ANKRD36C: variants seen among roughly 807,000 people sequenced by gnomAD.
The protein encoded by ANKRD36C is ankyrin repeat domain-containing protein 36C.
A neutral mutation model predicts 276.4 loss-of-function variants in ANKRD36C; 61 were observed. That is an observed-to-expected ratio of 0.22 (90% confidence interval 0.18 to 0.27). ANKRD36C has a LOEUF of 0.27. Ranked by LOEUF, ANKRD36C falls within the 10% of genes least tolerant of loss-of-function variation. ANKRD36C has a pLI of 1.00. For synonymous variants in ANKRD36C, 483 were observed against 680.1 expected, an observed-to-expected ratio of 0.71 and a Z score of 4.51; for missense variants, 1,447 against 2,032.3, an observed-to-expected ratio of 0.71 and a Z score of 5.54.
intron 59 of ANKRD36C, among the ~76,000 whole-genome samples, chr2:95,874,111 A>T (rs1351125161): frequency 6.6e-6 from 1 of 152,074 alleles, no homozygotes; most frequent in Non-Finnish European, 1.5e-5. Flanking sequence ...GCCCAAGGTA[A>T]TTTATAGATT....
chr2:95,865,858 C>T (rs1314448422), intron 60 of ANKRD36C, among the ~76,000 whole-genome samples: 1 of 152,046 alleles, frequency 6.6e-6, no homozygotes, highest in African/African-American at 2.4e-5. Context: ...GGTGGTTTGA[C>T]TTACTGACTT....
At chr2:95,925,718 A>G (rs1677386172) in intron 28 of ANKRD36C, among the ~76,000 whole-genome samples, 171 bp from the exon 29 acceptor site, 1 of 151,582 alleles carries the variant, frequency 6.6e-6, no homozygotes, top group Non-Finnish European at 1.5e-5. Flanking sequence ...TGCGAAGAAA[A>G]TAGGAATACA....
intron 6 of ANKRD36C, among the ~76,000 whole-genome samples, chr2:95,970,857 T>G (rs937342320): frequency 4.6e-5 from 7 of 152,178 alleles, no homozygotes; most frequent in Non-Finnish European, 8.8e-5. Flanking sequence ...TGCTAGTCTA[T>G]CTGGACCCAT....
intron 6 of ANKRD36C, among the ~76,000 whole-genome samples, chr2:95,968,473 C>A (rs1678637691): frequency 6.6e-6 from 1 of 152,152 alleles, no homozygotes; most frequent in South Asian, 2.1e-4. Flanking sequence ...AACATGATTT[C>A]TGGACAAATG....
At chr2:95,897,665 T>G (rs2104371305) in intron 44 of ANKRD36C, among the ~76,000 whole-genome samples, 200 bp from the exon 59 acceptor site, 1 of 142,634 alleles carries the variant, frequency 7.0e-6, no homozygotes, top group East Asian at 2.1e-4. Flanking sequence ...AAATATAGTC[T>G]TAGAATTTCA....
intron 1 of ANKRD36C, among the ~76,000 whole-genome samples, chr2:95,990,031 A>G (rs963482952): frequency 2.6e-5 from 4 of 152,104 alleles, no homozygotes; most frequent in Non-Finnish European, 5.9e-5. Flanking sequence ...TTTTTCTTAT[A>G]AACTGGATTT....
chr2:95,893,605 C>A, intron 44 of ANKRD36C: 1 of 1,584,318 alleles, frequency 6.3e-7, no homozygotes, highest in South Asian at 1.1e-5. Flanking sequence ...TCACCTGTAG[C>A]CTGAATGGAA....
chr2:95,856,017 T>C (rs796188017), exon 63 of ANKRD36C: 1 of 1,612,026 alleles, frequency 6.2e-7, no homozygotes, highest in African/African-American at 1.3e-5. Flanking sequence ...TAGAGCCTTT[T>C]GAAGGTCTTC....
intron 60 of ANKRD36C, among the ~76,000 whole-genome samples, chr2:95,866,869 G>A (rs1194422926): frequency 2.0e-5 from 3 of 152,058 alleles, no homozygotes; most frequent in East Asian, 3.8e-4. Context: ...GCACTGTATC[G>A]CATATCAATT....
In ANKRD36C at chr2:95,853,751, C is replaced by T. The variant is rs757880653; in HGVS notation, c.5106G>A (p.Gly1702=). Residue 1702 remains glycine, a synonymous_variant, in exon 64 of 67, where the codon GGG becomes GGA. Coordinates refer to ENST00000456556, the Ensembl canonical transcript of ANKRD36C. ...CTAATTTCTTCCTTGAATCCTGCAT[C>T]CCATTTTCTAAATAGATGCAGTGAC... 3.2e-5 allele frequency: 51 copies of T among 1,597,468 alleles called. No homozygotes were observed. In the East Asian group the frequency reaches 1.1e-3, roughly 34 times the overall value.
chr2:95,891,100 A>T (rs1676341065), intron 46 of ANKRD36C, among the ~76,000 whole-genome samples: 2 of 151,416 alleles, frequency 1.3e-5, no homozygotes, highest in Admixed American at 1.3e-4. Flanking sequence ...AATATTTGTT[A>T]TGAAAATATT....
intron 42 of ANKRD36C, 79 bp downstream of exon 54, chr2:95,902,807 C>T (rs1398790550): frequency 9.0e-6 from 13 of 1,443,248 alleles, no homozygotes; most frequent in African/African-American, 1.4e-5. Flanking sequence ...TTCAACGAGC[C>T]CCCCGCTGAT....
intron 20 of ANKRD36C, among the ~76,000 whole-genome samples, chr2:95,939,918 GCA>G (rs1432818452): frequency 3.8e-5 from 1 of 26,150 alleles, no homozygotes; most frequent in Non-Finnish European, 1.0e-4. Context: ...AAAAAAGTAT[GCA>G]TTACACATCA....
chr2:95,865,782 G>A (rs1675672631), intron 60 of ANKRD36C, among the ~76,000 whole-genome samples: 2 of 152,032 alleles, frequency 1.3e-5, no homozygotes, highest in South Asian at 4.1e-4. Flanking sequence ...TTCAGATTTG[G>A]GATATTTAAA....
chr2:95,956,115 A>C (rs1167097455), intron 13 of ANKRD36C, among the ~76,000 whole-genome samples: 1 of 152,288 alleles, frequency 6.6e-6, no homozygotes. Context: ...TAAGTAGAGA[A>C]ATGAATTAGA....
At chr2:95,876,875 A>G (rs1174494498) in intron 58 of ANKRD36C, among the ~76,000 whole-genome samples, 1 of 145,808 alleles carries the variant, frequency 6.9e-6, no homozygotes. Flanking sequence ...AAAAAAAAAA[A>G]GTCTTTCTAA....
intron 22 of ANKRD36C, among the ~76,000 whole-genome samples, chr2:95,937,713 A>C (rs74659761): frequency 0.03 from 4,551 of 152,014 alleles, no homozygotes; most frequent in South Asian, 0.055. Context: ...CATACACTGG[A>C]GTTTTTCAGA....
In ANKRD36C at chr2:95,908,277, T is replaced by A. The variant is rs552324985; in HGVS notation, c.2653+3967A>T. Among the ~76,000 whole-genome samples the A allele has an allele frequency of 3.3e-5, 5 of 150,592 alleles. No homozygotes were observed. The South Asian group carries it at 8.5e-4, about 26-fold the overall frequency. On this transcript the variant is annotated intron_variant, in intron 42 of 66. Coordinates refer to ENST00000456556, the Ensembl canonical transcript of ANKRD36C. ...TTATGCCTTGAACTGCTCTCCATAT[T>A]TCTTCTTCCCAATTTCAATATGGGG...
At chr2:95,968,119 T>C (rs1178733261) in intron 6 of ANKRD36C, among the ~76,000 whole-genome samples, 7 of 152,038 alleles carry the variant, frequency 4.6e-5, no homozygotes, top group African/African-American at 1.7e-4. Flanking sequence ...TGAACTTTTG[T>C]ACATGCCTTA....
Sources: allele counts gnomAD v4.1 joint callset (sites outside exome capture counted in the v4.1 genomes callset), GRCh38; gene constraint gnomAD v4.1.1; transcripts MANE v1.5; gene names NCBI Gene and HGNC (gene_info 2026-07-23, HGNC 2026-07-21).